KIAA1328: variants seen among roughly 807,000 people sequenced by gnomAD.
KIAA1328 encodes the protein KIAA1328.
In KIAA1328, 52 loss-of-function variants were observed where a neutral mutation model predicts 68.1. The observed-to-expected ratio is 0.76, with a 90% CI of 0.61 to 0.96. The LOEUF is 0.96. Among genes scored for constraint, KIAA1328 ranks in the 40% least tolerant of loss-of-function variants. The pLI, the probability that KIAA1328 is intolerant of heterozygous loss-of-function variation, is 0.00. For missense variants in KIAA1328, 641 were observed against 677.6 expected (o/e 0.95, Z 0.60); for synonymous variants, 232 against 239.4 (o/e 0.97, Z 0.28).
chr18:36,956,744 C>A (rs763283968), intron 5 of KIAA1328, among the ~76,000 whole-genome samples: 1 of 152,080 alleles, frequency 6.6e-6, no homozygotes, highest in Non-Finnish European at 1.5e-5. Context: ...TATTCTGTGA[C>A]CAGACTAATA....
At chr18:36,886,650 G>A (rs2048512546) in intron 5 of KIAA1328, among the ~76,000 whole-genome samples, 1 of 152,276 alleles carries the variant, frequency 6.6e-6, no homozygotes, top group South Asian at 2.1e-4. Flanking sequence ...GGTATTGTAT[G>A]CAGCAATATG....
intron 3 of KIAA1328, among the ~76,000 whole-genome samples, chr18:36,841,330 T>C (rs1034421574): frequency 2.0e-5 from 3 of 151,724 alleles, no homozygotes; most frequent in Non-Finnish European, 2.9e-5. Flanking sequence ...TAAGATTCAC[T>C]GCAATTCAGA....
chr18:37,005,297 A>G (rs1418994325), intron 6 of KIAA1328, among the ~76,000 whole-genome samples: 1 of 152,132 alleles, frequency 6.6e-6, no homozygotes, highest in Non-Finnish European at 1.5e-5. Flanking sequence ...GGACATGAGT[A>G]TACATTTCTC....
intron 9 of KIAA1328, among the ~76,000 whole-genome samples, chr18:37,204,984 T>A (rs187709160): frequency 2.7e-4 from 41 of 152,014 alleles, no homozygotes; most frequent in Admixed American, 7.2e-4. Context: ...GTTGTTGTTG[T>A]TTTAAACCAA....
At chr18:37,215,098 C>G (rs1435884889) in intron 9 of KIAA1328, among the ~76,000 whole-genome samples, 1 of 152,082 alleles carries the variant, frequency 6.6e-6, no homozygotes, top group African/African-American at 2.4e-5. Context: ...ATCTGCAAAC[C>G]TGGACAATTT....
intron 6 of KIAA1328, among the ~76,000 whole-genome samples, chr18:37,031,926 G>A (rs1314020176): frequency 6.6e-6 from 1 of 152,116 alleles, no homozygotes; most frequent in Non-Finnish European, 1.5e-5. Context: ...CAGCACTTTG[G>A]GAGGCTGAGG....
chr18:37,007,393 C>G (rs957723473), intron 6 of KIAA1328, among the ~76,000 whole-genome samples: 1 of 152,130 alleles, frequency 6.6e-6, no homozygotes, highest in Non-Finnish European at 1.5e-5. Flanking sequence ...TTAATGTTGT[C>G]ATCACTCATG....
rs139830020 is a variant in KIAA1328, at chr18:36,872,337, A to G, written c.333-13220A>G. ...AATAACAGAAAATATCACCTCAACC[A>G]GGACCCCCACCATCAGACTAACAAG... On this transcript the variant is annotated intron_variant, in intron 4 of 9. Transcript: ENST00000280020. Among the ~76,000 whole-genome samples, 723 of 152,290 alleles carry G rather than the reference A, an allele frequency of 4.7e-3. 5 individuals carry two copies. Among genetic ancestry groups the G allele is most frequent in the South Asian group, 0.018 (88 of 4,826 alleles).
chr18:37,005,652 C>T (rs1191095503), intron 6 of KIAA1328, among the ~76,000 whole-genome samples: 4 of 151,946 alleles, frequency 2.6e-5, no homozygotes. Context: ...ACATGTGTTC[C>T]CATGTTAATT....
chr18:37,171,111 A>G (rs1376710045), intron 8 of KIAA1328, among the ~76,000 whole-genome samples: 2 of 152,232 alleles, frequency 1.3e-5, no homozygotes, highest in Non-Finnish European at 2.9e-5. Flanking sequence ...AGTAAATTTT[A>G]TGATACTCAA....
chr18:36,986,045 A>ATTTTAAC (rs1556848223), intron 6 of KIAA1328, among the ~76,000 whole-genome samples: 1 of 152,190 alleles, frequency 6.6e-6, no homozygotes, highest in Admixed American at 6.5e-5. Flanking sequence ...CCTGCAAAAT[A>ATTTTAAC]TTTTAACTTT....
rs1009306312 is a variant in KIAA1328 at position 37,000,806 on chromosome 18, T to C, written c.576+41371T>C. 2.0e-5 allele frequency among the ~76,000 whole-genome samples: 3 copies of C among 151,970 alleles called. No individual in the cohort carries two copies. The East Asian group carries it at 5.8e-4, about 29-fold the overall frequency. On this transcript the variant is annotated intron_variant, in intron 6 of 9. Transcript: ENST00000280020. ...CCTGAATGACCATCATGAAAATGAA[T>C]AAATTAAGATGGAAATTTTAAAAAG... is the stretch of plus-strand genomic sequence containing the variant.
At chr18:37,133,329 A>C (rs986936202) in intron 7 of KIAA1328, among the ~76,000 whole-genome samples, 1 of 151,748 alleles carries the variant, frequency 6.6e-6, no homozygotes, top group Admixed American at 6.6e-5. Flanking sequence ...AAAAAAAAAA[A>C]AACTACCAAT....
At chr18:37,032,892 C>T (rs1178641362) in intron 6 of KIAA1328, among the ~76,000 whole-genome samples, 1 of 152,168 alleles carries the variant, frequency 6.6e-6, no homozygotes, top group South Asian at 2.1e-4. Flanking sequence ...CCACCCACCT[C>T]GGCCTCCCAA....
At chr18:37,232,124 A>G (rs922161211), downstream of KIAA1328, 2 of 152,204 alleles carry the variant, frequency 1.3e-5, no homozygotes, top group African/African-American at 4.8e-5. Flanking sequence ...TAATAAATTC[A>G]TGCTATTCAG....
At chr18:36,908,240 C>T (rs2049294353) in intron 5 of KIAA1328, among the ~76,000 whole-genome samples, 1 of 152,088 alleles carries the variant, frequency 6.6e-6, no homozygotes, top group South Asian at 2.1e-4. Context: ...AGCTTTGTGT[C>T]CTGTAGTTGA....
chr18:36,895,862 C>T (rs548523489), intron 5 of KIAA1328: 17 of 449,788 alleles, frequency 3.8e-5, no homozygotes, highest in South Asian at 1.9e-4. Context: ...CTGTCACACA[C>T]CACACCCCCA....
intron 9 of KIAA1328, among the ~76,000 whole-genome samples, chr18:37,210,291 C>T (rs377215099): frequency 7.2e-5 from 11 of 152,098 alleles, no homozygotes; most frequent in Non-Finnish European, 1.2e-4. Flanking sequence ...CAGAGGTAAA[C>T]GAAACTAGAA....
At chr18:37,138,541 G>A (rs1348440141) in intron 7 of KIAA1328, among the ~76,000 whole-genome samples, 1 of 152,100 alleles carries the variant, frequency 6.6e-6, no homozygotes, top group Non-Finnish European at 1.5e-5. Flanking sequence ...TTGAAGCCAG[G>A]AACCATGCCA....
Sources: gnomAD v4.1 joint callset for allele counts (sites outside exome capture counted in the v4.1 genomes callset) on GRCh38, gnomAD v4.1.1 for gene constraint, MANE v1.5 for transcripts, NCBI Gene and HGNC (gene_info 2026-07-23, HGNC 2026-07-21) for gene names.